SNTG1: variants seen among roughly 807,000 people sequenced by gnomAD.
The protein encoded by SNTG1 is syntrophin gamma 1.
A neutral mutation model predicts 74.7 loss-of-function variants in SNTG1; 39 were observed. That is an observed-to-expected ratio of 0.52 (90% CI 0.40 to 0.68). The LOEUF (loss-of-function observed/expected upper bound fraction) is 0.68. Ranked by LOEUF, SNTG1 falls within the 30% of genes least tolerant of loss-of-function variation. The pLI is 0.00. For missense variants in SNTG1, 685 were observed against 609.5 expected, an observed-to-expected ratio of 1.12 and a Z score of -1.30; for synonymous variants, 254 against 217.1, an observed-to-expected ratio of 1.17 and a Z score of -1.49.
At chr8:50,100,011 C>G (rs2080065327) in intron 1 of SNTG1, among the ~76,000 whole-genome samples, 1 of 151,632 alleles carries the variant, frequency 6.6e-6, no homozygotes, top group South Asian at 2.1e-4. Context: ...CTTTTGGTGC[C>G]TAAGTGTTCA....
chr8:50,343,114 C>T (rs2091366686), intron 2 of SNTG1, among the ~76,000 whole-genome samples: 2 of 152,116 alleles, frequency 1.3e-5, no homozygotes, highest in African/African-American at 4.8e-5. Context: ...TGTTTAATCC[C>T]CAGTACTTCG....
At chr8:50,485,977 T>C (rs1202473057) in intron 8 of SNTG1, among the ~76,000 whole-genome samples, 3 of 151,418 alleles carry the variant, frequency 2.0e-5, no homozygotes, top group Non-Finnish European at 4.4e-5. Flanking sequence ...GATCAGATAG[T>C]TGTAGATATG....
chr8:50,425,547 T>C (rs1309163325), intron 4 of SNTG1, among the ~76,000 whole-genome samples: 3 of 152,116 alleles, frequency 2.0e-5, no homozygotes, highest in Admixed American at 6.6e-5. Flanking sequence ...TATCTCATTA[T>C]ATATTACAGT....
chr8:50,423,085 GA>G (rs576232135), intron 4 of SNTG1, among the ~76,000 whole-genome samples: 240 of 152,136 alleles, frequency 1.6e-3, no homozygotes, highest in Middle Eastern at 6.8e-3. Context: ...TTATTATGAT[GA>G]TATAACATAT....
chr8:50,516,485 T>G (rs2094135020), intron 9 of SNTG1, among the ~76,000 whole-genome samples: 1 of 151,456 alleles, frequency 6.6e-6, no homozygotes. Flanking sequence ...AGGTGGGTAA[T>G]AACAAACTCC....
At chr8:50,028,357 G>GT (rs572286468) in intron 1 of SNTG1, among the ~76,000 whole-genome samples, 33 of 152,034 alleles carry the variant, frequency 2.2e-4, no homozygotes, top group African/African-American at 6.8e-4. Context: ...TTTAACCACT[G>GT]TTTTTTTCCC....
chr8:49,971,780 A>G (rs1811704029), intron 1 of SNTG1, among the ~76,000 whole-genome samples: 1 of 152,186 alleles, frequency 6.6e-6, no homozygotes, highest in African/African-American at 2.4e-5. Flanking sequence ...TTCAAAGAGA[A>G]TAAAATACCT....
At chr8:50,494,150 T>TAC (rs2093883397) in intron 8 of SNTG1, among the ~76,000 whole-genome samples, 2 of 151,088 alleles carry the variant, frequency 1.3e-5, no homozygotes, top group South Asian at 2.1e-4. Flanking sequence ...CATATATATA[T>TAC]ACACATATAT....
intron 2 of SNTG1, among the ~76,000 whole-genome samples, chr8:50,304,471 G>T (rs2089789941): frequency 6.6e-6 from 1 of 151,998 alleles, no homozygotes; most frequent in Admixed American, 6.6e-5. Context: ...ACTGCACATT[G>T]TATCAACTGA....
chr8:50,694,185 C>T (rs1271300644), intron 15 of SNTG1, among the ~76,000 whole-genome samples: 2 of 150,526 alleles, frequency 1.3e-5, no homozygotes, highest in East Asian at 1.9e-4. Flanking sequence ...GTATCATATT[C>T]ACAACCTTTA....
chr8:50,243,417 T>C (rs1174799584), intron 2 of SNTG1, among the ~76,000 whole-genome samples: 3 of 152,216 alleles, frequency 2.0e-5, no homozygotes, highest in Non-Finnish European at 4.4e-5. Flanking sequence ...TCAATTTGAT[T>C]TTTAAAGATC....
chr8:50,161,780 A>G (rs1379279301), intron 1 of SNTG1, among the ~76,000 whole-genome samples: 1 of 152,202 alleles, frequency 6.6e-6, no homozygotes, highest in African/African-American at 2.4e-5. Context: ...AAGAAAAAAA[A>G]AGTCACCCAA....
chr8:50,162,567 AAAAAAAAAAAG>A (rs1234576622), intron 1 of SNTG1, among the ~76,000 whole-genome samples: 1 of 151,120 alleles, frequency 6.6e-6, no homozygotes, highest in African/African-American at 2.4e-5. Context: ...CTCAAAAAAA[AAAAAAAAAAAG>A]AAAAAAAAAG....
chr8:50,107,996 A>G (rs1037941492), intron 1 of SNTG1, among the ~76,000 whole-genome samples: 8 of 152,142 alleles, frequency 5.3e-5, no homozygotes, highest in African/African-American at 1.7e-4. Context: ...TCCCCAAGCT[A>G]TATTTTGAAT....
At chr8:50,502,670 C>A in intron 8 of SNTG1, 108 bp from the exon 9 acceptor site, 1 of 824,812 alleles carries the variant, frequency 1.2e-6, no homozygotes, top group Non-Finnish European at 1.9e-6. Flanking sequence ...TTTCTGAATA[C>A]TAGGGAAAAA....
intron 1 of SNTG1, among the ~76,000 whole-genome samples, chr8:50,058,507 C>T (rs551747920): frequency 4.3e-4 from 66 of 152,150 alleles, no homozygotes; most frequent in African/African-American, 1.5e-3. Context: ...AGAAAACATA[C>T]CTTCAAACAA....
chr8:50,704,865 C>T, intron 16 of SNTG1, 113 bp downstream of exon 16: 1 of 1,256,494 alleles, frequency 8.0e-7, no homozygotes, highest in Non-Finnish European at 1.1e-6. Flanking sequence ...GGAATCTTGA[C>T]CTCATATACA....
At chr8:50,042,887 G>T (rs150254007) in intron 1 of SNTG1, among the ~76,000 whole-genome samples, 3 of 152,156 alleles carry the variant, frequency 2.0e-5, no homozygotes, top group African/African-American at 7.2e-5. Flanking sequence ...ATGAGCTATG[G>T]CTCGTTGCCA....
chr8:50,552,951 A>G (rs1487294494), intron 11 of SNTG1, 99 bp from the exon 12 acceptor site: 2 of 1,409,954 alleles, frequency 1.4e-6, no homozygotes, highest in Middle Eastern at 1.8e-4. Flanking sequence ...GCTGATATTT[A>G]TATTGTATGA....
Sources: allele counts gnomAD v4.1 joint callset (sites outside exome capture counted in the v4.1 genomes callset), GRCh38; gene constraint gnomAD v4.1.1; transcripts MANE v1.5; gene names NCBI Gene and HGNC (gene_info 2026-07-23, HGNC 2026-07-21).